HTR1A: variants seen among roughly 807,000 people sequenced by gnomAD.
HTR1A encodes 5-hydroxytryptamine receptor 1A.
HTR1A carries 17 observed loss-of-function variants against 24.6 expected under a neutral mutation model. The ratio of observed to expected loss-of-function variants is 0.69; its 90% CI spans 0.47 to 1.04. The LOEUF (loss-of-function observed/expected upper bound fraction) is 1.04. HTR1A is among the 50% of genes least tolerant of loss of function. The probability of loss-of-function intolerance (pLI) is 0.00; values close to 1 mark genes in which losing one functional copy is unlikely to be tolerated. For missense variants in HTR1A, 515 were observed against 565.1 expected, an observed-to-expected ratio of 0.91 and a Z score of 0.90; for synonymous variants, 262 against 244.6, an observed-to-expected ratio of 1.07 and a Z score of -0.67.
chr5:63,960,854 GCGGCGCCA>G lies in HTR1A; in HGVS notation c.858_865del (p.Gly287ProfsTer37). ...TCGGTGCACCTCGATCACCTCCAGG[GCGGCGCCA>G]TCGTCACCTTGCCTCACCGCGCCAT... On this transcript the variant is annotated frameshift_variant, in exon 1 of 1. Coordinates refer to ENST00000323865, the MANE Select transcript of HTR1A (RefSeq NM_000524.4). LOFTEE classifies it high-confidence loss of function. The G allele has an allele frequency of 6.2e-7, 1 of 1,614,124 alleles. No individual in the cohort carries two copies. The highest frequency in any genetic ancestry group is 1.6e-4 in the Middle Eastern group (1 of 6,062).
At position 63,960,918 on chromosome 5, in the gene HTR1A, C is replaced by G; in HGVS notation, c.802G>C (p.Glu268Gln). ...CACAGAGCACCCCCAGCCTTGCTCT[C>G]CACGCCCAGCCTCCAGTTCCTGCTC... Reference protein sequence around the residue: ...SGSRNWRLGVESKAGGALCAN... With the variant: ...SGSRNWRLGVQSKAGGALCAN... The change falls in exon 1 of 1, where the codon GAG (glutamate) becomes CAG (glutamine). Residue 268 changes from glutamate to glutamine, a missense_variant. Physicochemically the swap from Glu to Gln is conservative, Grantham distance 29. Coordinates refer to ENST00000323865, the MANE Select transcript of HTR1A (RefSeq NM_000524.4). 1 of 1,614,022 alleles carries G rather than the reference C, an allele frequency of 6.2e-7. No homozygotes were observed. Among genetic ancestry groups the G allele is most frequent in the Non-Finnish European group, 8.5e-7 (1 of 1,179,914 alleles).
chr5:63,959,153 C>G lies in HTR1A; in HGVS notation c.*1298G>C, dbSNP rs147577980. Among the ~76,000 whole-genome samples the G allele has an allele frequency of 9.8e-5, 15 of 152,334 alleles. No individual in the cohort carries two copies. In the East Asian group the frequency reaches 2.9e-3, roughly 29 times the overall value. On this transcript the variant is annotated 3_prime_UTR_variant, in exon 1 of 1. Transcript: ENST00000323865. The stretch of plus-strand genomic sequence containing the variant: ...AGAGCGTGAATTAGGAGGAAAAATT[C>G]TACATCGTAAGGATAAAATTGCTCT...
At position 63,959,324 on chromosome 5, in the gene HTR1A, G is replaced by C. The variant is rs896400015; in HGVS notation, c.*1127C>G. On this transcript the variant is annotated 3_prime_UTR_variant, in exon 1 of 1. Transcript: ENST00000323865. Reference sequence around the variant, plus strand: ...AGTTCCGCGGCATCTTGCGCCACTGGCTAAGGCAAAAACCTCAGGTGTCTA... The same window carrying C: ...AGTTCCGCGGCATCTTGCGCCACTGCCTAAGGCAAAAACCTCAGGTGTCTA... Among the ~76,000 whole-genome samples, 7 of 152,314 alleles carry C rather than the reference G, an allele frequency of 4.6e-5. No homozygotes were observed. The highest frequency in any genetic ancestry group is 1.7e-4 in the African/African-American group (7 of 41,570).
Position 63,960,765 on chromosome 5 carries a change from C to T in HTR1A, c.955G>A (p.Ala319Thr). Reference protein sequence around the residue: ...SEAGPTPCAPASFERKNERNA... With the variant: ...SEAGPTPCAPTSFERKNERNA... ...CGCTCATTTTTCCTCTCGAAAGAGG[C>T]GGGGGCACAAGGGGTAGGACCAGCC... Residue 319 changes from alanine (A) to threonine (T), a missense_variant, in exon 1 of 1, where the codon GCC becomes ACC. By Grantham distance (58) the Ala-to-Thr change is moderately conservative. This residue lies in a region of HTR1A where 381 missense variants were observed against 384.5 expected (regional missense o/e 0.99). Coordinates refer to ENST00000323865, the MANE Select transcript of HTR1A (RefSeq NM_000524.4). The T allele has an allele frequency of 1.9e-6, 3 of 1,614,140 alleles. No homozygotes were observed. Among genetic ancestry groups the T allele is most frequent in the Non-Finnish European group, 8.5e-7 (1 of 1,179,982 alleles).
Position 63,961,555 on chromosome 5 carries a change from C to A in HTR1A, c.165G>T (p.Ala55=). The change falls in exon 1 of 1, where the codon GCG becomes GCT. Residue 55 remains alanine (A), a synonymous_variant. Transcript: ENST00000323865. ...TLIFCAVLGN[A]CVVAAIALER... ...CCAAGGCGATGGCAGCCACCACGCA[C>A]GCATTGCCCAGCACCGCGCAGAAGA... is the stretch of plus-strand genomic sequence containing the variant. 1 of 1,614,222 alleles carries A rather than the reference C, an allele frequency of 6.2e-7. No homozygotes were observed. Among genetic ancestry groups the A allele is most frequent in the Non-Finnish European group, 8.5e-7 (1 of 1,180,054 alleles).
Position 63,960,797 on chromosome 5 carries a change from G to A in HTR1A, c.923C>T (p.Pro308Leu). Residue 308 changes from proline (P) to leucine (L), a missense_variant, in exon 1 of 1, where the codon CCC (proline) becomes CTC (leucine). This residue lies in a region of HTR1A where 381 missense variants were observed against 384.5 expected (regional missense o/e 0.99). Coordinates refer to ENST00000323865, the MANE Select transcript of HTR1A (RefSeq NM_000524.4). ...VGNSKEHLPL[P>L]SEAGPTPCAP... ...ACAAGGGGTAGGACCAGCCTCGCTG[G>A]GCAGAGGCAAGTGCTCTTTGGAGTT... 1.9e-6 allele frequency: 3 copies of A among 1,614,116 alleles called. No homozygotes were observed. In the South Asian group the frequency reaches 3.3e-5, roughly 18 times the overall value.
chr5:63,959,697 T>A lies in HTR1A; in HGVS notation c.*754A>T, dbSNP rs1409756604. On this transcript the variant is annotated 3_prime_UTR_variant, in exon 1 of 1. Coordinates refer to ENST00000323865, the MANE Select transcript of HTR1A (RefSeq NM_000524.4). ...GCTCTCCCCCACTGGCCCGGCCTTGTACTTACAAGTCCACTCTAAAAGATA... is the reference window on the plus strand; with the variant it reads ...GCTCTCCCCCACTGGCCCGGCCTTGAACTTACAAGTCCACTCTAAAAGATA... 2.0e-5 allele frequency among the ~76,000 whole-genome samples: 3 copies of A among 152,234 alleles called. No homozygotes were observed. Among genetic ancestry groups the A allele is most frequent in the Non-Finnish European group, 4.4e-5 (3 of 68,040 alleles).
chr5:63,959,770 T>C lies in HTR1A; in HGVS notation c.*681A>G. ...TCCAAGGAAACAAAGGAAATAGGGG[T>C]TGTGCACTGCACGAGAGAGTTAATC... On this transcript the variant is annotated 3_prime_UTR_variant, in exon 1 of 1. Transcript: ENST00000323865. Among the ~76,000 whole-genome samples the C allele has an allele frequency of 6.6e-6, 1 of 152,082 alleles. No homozygotes were observed. The highest frequency in any genetic ancestry group is 1.5e-5 in the Non-Finnish European group (1 of 68,026).
Position 63,961,917 on chromosome 5 carries a change from G to T in HTR1A, c.-198C>A, listed in dbSNP as rs1237236670. On this transcript the variant is annotated 5_prime_UTR_variant, in exon 1 of 1. Coordinates refer to ENST00000323865, the MANE Select transcript of HTR1A (RefSeq NM_000524.4). ...GCTTTCAGGCGCTCCCTGGGCTCTC[G>T]CAGTCCAGCGCGTTCAGAAGCTCCA... is the stretch of plus-strand genomic sequence containing the variant. The T allele has an allele frequency of 3.3e-6, 2 of 606,340 alleles. No homozygotes were observed. Among genetic ancestry groups the T allele is most frequent in the African/African-American group, 1.8e-5 (1 of 54,250 alleles). The allele number at this position is 606,340 out of a possible 1,614,324, so 37.6% of individuals were successfully genotyped here. A position where few individuals can be genotyped will look rare whatever the true frequency, so the allele number is the denominator to read the frequency against.
At position 63,961,779 on chromosome 5, in the gene HTR1A, G is replaced by T; in HGVS notation, c.-60C>A. 1.3e-6 allele frequency: 2 copies of T among 1,560,692 alleles called. No homozygotes were observed. Among genetic ancestry groups the T allele is most frequent in the South Asian group, 1.1e-5 (1 of 89,624 alleles). ...AAAAAGCAGCGCGAAGATTCGCCTC[G>T]CCCCTTCCCCTGGGGTCTTCCGCCC... On this transcript the variant is annotated 5_prime_UTR_variant, in exon 1 of 1. Transcript: ENST00000323865.
Position 63,960,209 on chromosome 5 carries a change from G to C in HTR1A, c.*242C>G. 1 of 583,632 alleles carries C rather than the reference G, an allele frequency of 1.7e-6. No individual in the cohort carries two copies. The highest frequency in any genetic ancestry group is 2.0e-5 in the South Asian group (1 of 50,738). 36.2% of individuals were successfully genotyped at this position (583,632 alleles called of 1,614,324 possible). On this transcript the variant is annotated 3_prime_UTR_variant, in exon 1 of 1. Coordinates refer to ENST00000323865, the MANE Select transcript of HTR1A (RefSeq NM_000524.4). ...TACAGGCGAAGTCTGAGCCAATGTC[G>C]CTTCTCACAAACTCTCTGAATTTCC... is the stretch of plus-strand genomic sequence containing the variant.
Position 63,960,083 on chromosome 5 carries a change from A to G in HTR1A, c.*368T>C, listed in dbSNP as rs1039340608. ...CGGCGGCTGTGTGTACAGTTTATTT[A>G]TTTTTTGGATTTTCTGCCTTGAACT... On this transcript the variant is annotated 3_prime_UTR_variant, in exon 1 of 1. Coordinates refer to ENST00000323865, the MANE Select transcript of HTR1A (RefSeq NM_000524.4). Among the ~76,000 whole-genome samples the G allele has an allele frequency of 3.3e-5, 5 of 152,128 alleles. No homozygotes were observed. The highest frequency in any genetic ancestry group is 1.2e-4 in the African/African-American group (5 of 41,438).
At position 63,961,843 on chromosome 5, in the gene HTR1A, C is replaced by A; in HGVS notation, c.-124G>T. 4 of 997,626 alleles carry A rather than the reference C, an allele frequency of 4.0e-6. No individual in the cohort carries two copies. Among genetic ancestry groups the A allele is most frequent in the Non-Finnish European group, 4.7e-6 (3 of 644,632 alleles). 61.8% of individuals were successfully genotyped at this position (997,626 alleles called of 1,614,324 possible). ...TTTCGGAGGAAGGGAATGCAGAGAC[C>A]CAAGCAGGAAGTTCTTACTGCTTCG... On this transcript the variant is annotated 5_prime_UTR_variant, in exon 1 of 1. Coordinates refer to ENST00000323865, the MANE Select transcript of HTR1A (RefSeq NM_000524.4).
Position 63,959,669 on chromosome 5 carries a change from C to G in HTR1A, c.*782G>C, listed in dbSNP as rs904907131. Among the ~76,000 whole-genome samples the G allele has an allele frequency of 1.3e-5, 2 of 152,232 alleles. No homozygotes were observed. Among genetic ancestry groups the G allele is most frequent in the Non-Finnish European group, 2.9e-5 (2 of 68,034 alleles). On this transcript the variant is annotated 3_prime_UTR_variant, in exon 1 of 1. Coordinates refer to ENST00000323865, the MANE Select transcript of HTR1A (RefSeq NM_000524.4). ...AAGTGGTCTGCACACCCTCCTCCTC[C>G]TTGCTCTCCCCCACTGGCCCGGCCT... is the stretch of plus-strand genomic sequence containing the variant.
rs752260199 is a variant in HTR1A at position 63,961,648 on chromosome 5, G to A, written c.72C>T (p.Asn24=). 5.6e-6 allele frequency: 9 copies of A among 1,613,882 alleles called. No individual in the cohort carries two copies. In the South Asian group the frequency reaches 8.8e-5, roughly 16 times the overall value. ...CGGTCACGTCGGAGATACCAGTAGT[G>A]TTGCCGCCGGTCTCAAAGGGAGCCG... is the stretch of plus-strand genomic sequence containing the variant. ...SPPAPFETGG[N]TTGISDVTVS... is the part of the protein sequence containing the mutation. Residue 24 remains asparagine, a synonymous_variant, in exon 1 of 1, where the codon AAC becomes AAT. Transcript: ENST00000323865.
chr5:63,959,832 C>A lies in HTR1A; in HGVS notation c.*619G>T, dbSNP rs577155068. On this transcript the variant is annotated 3_prime_UTR_variant, in exon 1 of 1. Transcript: ENST00000323865. ...AGAAGACGGGGAATCCCGGGGGCAC[C>A]GCTGGCACGGGGAAAAGCAGCCTCT... 1.5e-3 allele frequency among the ~76,000 whole-genome samples: 223 copies of A among 152,290 alleles called. 2 individuals carry two copies. Among genetic ancestry groups the A allele is most frequent in the African/African-American group, 5.1e-3 (211 of 41,560 alleles).
In HTR1A at chr5:63,959,009, C is replaced by T. The variant is rs1469420437; in HGVS notation, c.*1442G>A. Among the ~76,000 whole-genome samples, 2 of 152,112 alleles carry T rather than the reference C, an allele frequency of 1.3e-5. No homozygotes were observed. The highest frequency in any genetic ancestry group is 4.8e-5 in the African/African-American group (2 of 41,424). ...CTATCTGGGCATTCCATTGAAAGCCCAGAATTCCTATTTGGAAAACAAAGT... is the reference window on the plus strand; with the variant it reads ...CTATCTGGGCATTCCATTGAAAGCCTAGAATTCCTATTTGGAAAACAAAGT... On this transcript the variant is annotated 3_prime_UTR_variant, in exon 1 of 1. Transcript: ENST00000323865.
Position 63,960,802 on chromosome 5 carries a change from A to C in HTR1A, c.918T>G (p.Pro306=). The C allele has an allele frequency of 3.1e-6, 5 of 1,614,138 alleles. No individual in the cohort carries two copies. The highest frequency in any genetic ancestry group is 4.2e-6 in the Non-Finnish European group (5 of 1,179,974). The change falls in exon 1 of 1, where the codon CCT becomes CCG. Residue 306 remains proline (P), a synonymous_variant. Coordinates refer to ENST00000323865, the MANE Select transcript of HTR1A (RefSeq NM_000524.4). ...GGGTAGGACCAGCCTCGCTGGGCAG[A>C]GGCAAGTGCTCTTTGGAGTTGCCCA... ...HRVGNSKEHL[P]LPSEAGPTPC... is the part of the protein sequence containing the mutation.
At position 63,959,865 on chromosome 5, in the gene HTR1A, C is replaced by T. The variant is rs926374068; in HGVS notation, c.*586G>A. Among the ~76,000 whole-genome samples the T allele has an allele frequency of 1.3e-5, 2 of 152,134 alleles. No individual in the cohort carries two copies. The highest frequency in any genetic ancestry group is 2.9e-5 in the Non-Finnish European group (2 of 68,024). ...CGGGGAAAAGCAGCCTCTTCCGCCT[C>T]TCCGGACCAGCAGATTCGTGCATAA... On this transcript the variant is annotated 3_prime_UTR_variant, in exon 1 of 1. Coordinates refer to ENST00000323865, the MANE Select transcript of HTR1A (RefSeq NM_000524.4).
Sources: allele counts gnomAD v4.1 joint callset (sites outside exome capture counted in the v4.1 genomes callset), GRCh38; gene constraint gnomAD v4.1.1; regional missense constraint gnomAD v4.1.1; transcripts MANE v1.5; gene names NCBI Gene and HGNC (gene_info 2026-07-23, HGNC 2026-07-21).